The following CHD5 variants were observed in gnomAD, a reference collection of about 807,000 sequenced individuals.
CHD5 encodes chromodomain helicase DNA binding protein 5.
CHD5 carries 69 observed loss-of-function variants against 230.3 expected under a neutral mutation model. That is an observed-to-expected ratio of 0.30 (90% confidence interval 0.25 to 0.37). The LOEUF (loss-of-function observed/expected upper bound fraction) is 0.37. Ranked by LOEUF, CHD5 falls within the 10% of genes least tolerant of loss-of-function variation. The pLI, the probability that CHD5 is intolerant of heterozygous loss-of-function variation, is 1.00. For missense variants in CHD5, 1,827 were observed against 2,622.8 expected (o/e 0.70, Z 6.63); for synonymous variants, 1,064 against 1,065.9 (o/e 1.00, Z 0.03).
intron 11 of CHD5, among the ~76,000 whole-genome samples, chr1:6,144,867 G>A (rs1010081668): frequency 1.3e-4 from 20 of 152,242 alleles, no homozygotes; most frequent in African/African-American, 4.3e-4. Context: ...GAGAAAAACC[G>A]ATCCCGTTAC....
intron 7 of CHD5, among the ~76,000 whole-genome samples, chr1:6,150,095 G>C (rs1486552482): frequency 2.0e-5 from 3 of 151,522 alleles, no homozygotes; most frequent in Admixed American, 2.0e-4. Flanking sequence ...CAAATGGATG[G>C]ATAGATGGAC....
intron 38 of CHD5, among the ~76,000 whole-genome samples, chr1:6,109,159 G>A (rs535461593): frequency 1.6e-4 from 25 of 152,154 alleles, no homozygotes; most frequent in Admixed American, 9.8e-4. Context: ...AGCCAGAAGC[G>A]CTGCCTGACG....
rs1422016232 is a variant in CHD5, at chr1:6,114,205, A to T, written c.4913-1207T>A. Among the ~76,000 whole-genome samples, 5 of 151,830 alleles carry T rather than the reference A, an allele frequency of 3.3e-5. No individual in the cohort carries two copies. The East Asian group carries it at 9.7e-4, about 29-fold the overall frequency. ...GAGGCAGAGGTTGCAGTGAGCCGAG[A>T]TCACGCCACTGCACTCCAGCCTGGG... On this transcript the variant is annotated intron_variant, in intron 33 of 41. Coordinates refer to ENST00000262450, the MANE Select transcript of CHD5 (RefSeq NM_015557.3).
chr1:6,129,373 CTG>C lies in CHD5; in HGVS notation c.3388-306_3388-305del, dbSNP rs1241630797. Among the ~76,000 whole-genome samples, 3 of 152,162 alleles carry C rather than the reference CTG, an allele frequency of 2.0e-5. No homozygotes were observed. Among genetic ancestry groups the C allele is most frequent in the African/African-American group, 7.2e-5 (3 of 41,440 alleles). ...GATACGGCCAGTGTGCTGGGTGTAACTGAAGCCACACAGAGCTTCGTGGGGGC... is the reference window on the plus strand; with the variant it reads ...GATACGGCCAGTGTGCTGGGTGTAACAAGCCACACAGAGCTTCGTGGGGGC... On this transcript the variant is annotated intron_variant, in intron 22 of 41. Coordinates refer to ENST00000262450, the MANE Select transcript of CHD5 (RefSeq NM_015557.3). This position sits in a 1 kb window ranked among gnomAD's most constrained non-coding sequence, Gnocchi z 6.8.
At position 6,125,284 on chromosome 1, in the gene CHD5, G is replaced by T. The variant is rs1666536966; in HGVS notation, c.4261-51C>A. On this transcript the variant is annotated intron_variant, in intron 28 of 41. Transcript: ENST00000262450. This position sits in a 1 kb window ranked among gnomAD's most constrained non-coding sequence, Gnocchi z 6.7. Reference sequence around the variant, plus strand: ...GAGCCCAGGACAGAGAGGGGTGGGGGTGGAGGATTCTGGGATGGGGGAAGA... The same window carrying T: ...GAGCCCAGGACAGAGAGGGGTGGGGTTGGAGGATTCTGGGATGGGGGAAGA... The T allele has an allele frequency of 7.9e-6, 12 of 1,527,556 alleles. No individual in the cohort carries two copies. The highest frequency in any genetic ancestry group is 1.2e-5 in the South Asian group (1 of 85,128). 94.6% of individuals were successfully genotyped at this position (1,527,556 alleles called of 1,614,324 possible). A position where few individuals can be genotyped will look rare whatever the true frequency, so the allele number is the denominator to read the frequency against.
At chr1:6,149,114 T>C in intron 8 of CHD5, 39 bp from the exon 9 acceptor site, 1 of 1,468,750 alleles carries the variant, frequency 6.8e-7, no homozygotes, top group Non-Finnish European at 9.0e-7. Flanking sequence ...CTGGGCGGGG[T>C]CCCCGCTCCA....
chr1:6,168,640 G>A (rs1300048494), intron 1 of CHD5, among the ~76,000 whole-genome samples: 1 of 152,218 alleles, frequency 6.6e-6, no homozygotes, highest in African/African-American at 2.4e-5. Context: ...AAGGAGTTGG[G>A]GCTGATAGAG....
intron 33 of CHD5, among the ~76,000 whole-genome samples, chr1:6,113,721 G>A (rs1666330274): frequency 6.6e-6 from 1 of 152,214 alleles, no homozygotes; most frequent in African/African-American, 2.4e-5. Flanking sequence ...ACGGGAGTGA[G>A]ATGGCCTGTC....
intron 11 of CHD5, among the ~76,000 whole-genome samples, 154 bp from the exon 12 acceptor site, chr1:6,144,309 G>A (rs977665395): frequency 2.6e-5 from 4 of 152,218 alleles, no homozygotes; most frequent in African/African-American, 9.6e-5. Flanking sequence ...AGAAGCTCCA[G>A]GGAGGTGCAG....
intron 7 of CHD5, 72 bp from the exon 8 acceptor site, chr1:6,149,484 AGG>A: frequency 6.8e-7 from 1 of 1,468,824 alleles, no homozygotes; most frequent in Non-Finnish European, 9.3e-7. Flanking sequence ...GCATCGCCCC[AGG>A]CCAGACAGGC....
Position 6,168,428 on chromosome 1 carries a change from G to A in CHD5, c.80-151C>T, listed in dbSNP as rs894951887. 5 of 883,690 alleles carry A rather than the reference G, an allele frequency of 5.7e-6. No homozygotes were observed. In the African/African-American group the frequency reaches 6.7e-5, roughly 12 times the overall value. The allele number at this position is 883,690 out of a possible 1,614,324, so 54.7% of individuals were successfully genotyped here. On this transcript the variant is annotated intron_variant, in intron 1 of 41. Coordinates refer to ENST00000262450, the MANE Select transcript of CHD5 (RefSeq NM_015557.3). ...CTGCCCTCCCCAAACCCAGTGAAGTGAGAGAACACAGGACAGGAGCCCCAG... is the reference window on the plus strand; with the variant it reads ...CTGCCCTCCCCAAACCCAGTGAAGTAAGAGAACACAGGACAGGAGCCCCAG...
chr1:6,149,467 A>ACT, intron 7 of CHD5, 55 bp from the exon 8 acceptor site: 1 of 1,538,844 alleles, frequency 6.5e-7, no homozygotes, highest in African/African-American at 1.4e-5. Flanking sequence ...CCAGCACACA[A>ACT]CCAACTGCAT....
chr1:6,142,179 A>C lies in CHD5; in HGVS notation c.2385T>G (p.Phe795Leu). 6.2e-7 allele frequency: 1 copy of C among 1,614,130 alleles called. No individual in the cohort carries two copies. Among genetic ancestry groups the C allele is most frequent in the Non-Finnish European group, 8.5e-7 (1 of 1,179,994 alleles). ...ESRSVIRENE[F>L]SFEDNAIRSG... ...TCCGAATGGCGTTGTCCTCAAAGGA[A>C]AACTCGTTCTCCCGAATCACCGAGC... The change falls in exon 15 of 42, where the codon TTT (phenylalanine) becomes TTG (leucine). Residue 795 changes from phenylalanine to leucine, a missense_variant. Coordinates refer to ENST00000262450, the MANE Select transcript of CHD5 (RefSeq NM_015557.3). The surrounding 1 kb of genome is among the most constrained non-coding windows in gnomAD (Gnocchi z 5.2).
Position 6,134,324 on chromosome 1 carries a change from G to C in CHD5, c.3013-65C>G, listed in dbSNP as rs1033430367. ...CTCTCCTCTCTGACTCTGCACCAAA[G>C]GGGCCGCAGGGAACAGACAAGTGCT... On this transcript the variant is annotated intron_variant, in intron 19 of 41. Coordinates refer to ENST00000262450, the MANE Select transcript of CHD5 (RefSeq NM_015557.3). This position sits in a 1 kb window ranked among gnomAD's most constrained non-coding sequence, Gnocchi z 6.3. The C allele has an allele frequency of 6.4e-7, 1 of 1,573,408 alleles. No individual in the cohort carries two copies.
rs968000981 is a variant in CHD5, at chr1:6,142,060, G to A, written c.2436+68C>T. 3.1e-5 allele frequency: 44 copies of A among 1,418,170 alleles called. 1 individual carries two copies. Among genetic ancestry groups the A allele is most frequent in the Middle Eastern group, 1.8e-4 (1 of 5,684 alleles). The allele number at this position is 1,418,170 out of a possible 1,614,324, so 87.8% of individuals were successfully genotyped here. On this transcript the variant is annotated intron_variant, in intron 15 of 41. Coordinates refer to ENST00000262450, the MANE Select transcript of CHD5 (RefSeq NM_015557.3). This position sits in a 1 kb window ranked among gnomAD's most constrained non-coding sequence, Gnocchi z 5.2. ...GCTGAGGGACCCCAAAGGAGTGCACGGCACCCGTGGTCCCTGAACTAGACC... is the reference window on the plus strand; with the variant it reads ...GCTGAGGGACCCCAAAGGAGTGCACAGCACCCGTGGTCCCTGAACTAGACC...
At chr1:6,132,387 T>C (rs1292270865) in intron 20 of CHD5, among the ~76,000 whole-genome samples, 1 of 152,250 alleles carries the variant, frequency 6.6e-6, no homozygotes, top group Non-Finnish European at 1.5e-5. Context: ...TTGTAGGTAC[T>C]AGGTCTAAAG....
chr1:6,110,196 G>A (rs1336468365), intron 37 of CHD5, among the ~76,000 whole-genome samples, 198 bp downstream of exon 37: 1 of 152,210 alleles, frequency 6.6e-6, no homozygotes, highest in African/African-American at 2.4e-5. Context: ...ACCCCAAGGC[G>A]GCAGATACTT....
At chr1:6,175,941 G>A (rs138129948) in intron 1 of CHD5, among the ~76,000 whole-genome samples, 47 of 152,086 alleles carry the variant, frequency 3.1e-4, no homozygotes, top group African/African-American at 8.7e-4. Flanking sequence ...ATTGATAGGC[G>A]GATGGTGAAC....
At chr1:6,168,532 CCT>C (rs1158436829) in intron 1 of CHD5, among the ~76,000 whole-genome samples, 1 of 152,230 alleles carries the variant, frequency 6.6e-6, no homozygotes, top group Non-Finnish European at 1.5e-5. Context: ...ACCACCTGCC[CCT>C]GATAAGACAG....
Sources: gnomAD v4.1 joint callset for allele counts (sites outside exome capture counted in the v4.1 genomes callset) on GRCh38, gnomAD v4.1.1 for gene constraint, Gnocchi (gnomAD v3.1) non-coding constraint, MANE v1.5 for transcripts, NCBI Gene and HGNC (gene_info 2026-07-23, HGNC 2026-07-21) for gene names.